The following GPC3 variants were observed in gnomAD, a reference collection of about 807,000 sequenced individuals.
GPC3 encodes glypican-3.
A neutral mutation model predicts 34.4 loss-of-function variants in GPC3; 3 were observed. That is an observed-to-expected ratio of 0.09 (90% CI 0.04 to 0.23). The LOEUF (loss-of-function observed/expected upper bound fraction) is 0.23, where lower values mean the gene tolerates loss of function less well. Ranked by LOEUF, GPC3 falls within the 10% of genes least tolerant of loss-of-function variation. The pLI, the probability that GPC3 is intolerant of heterozygous loss-of-function variation, is 1.00. For missense variants in GPC3, 351 were observed against 445.6 expected (o/e 0.79, Z 1.91); for synonymous variants, 177 against 174.0 (o/e 1.02, Z -0.13).
At position 133,790,272 on chromosome X, in the gene GPC3, G is replaced by A. The variant is rs958866929; in HGVS notation, c.338-36096C>T. Among the ~76,000 whole-genome samples, 24 of 111,562 alleles carry A rather than the reference G, an allele frequency of 2.2e-4. 1 individual carries two copies. Among genetic ancestry groups the A allele is most frequent in the African/African-American group, 7.5e-4 (23 of 30,726 alleles). On this transcript the variant is annotated intron_variant, in intron 2 of 7. Coordinates refer to ENST00000370818, the MANE Select transcript of GPC3 (RefSeq NM_004484.4). ...CAAAGAAATTCTGGCAATTGGCAAG[G>A]ACCAGAGGTAAAGGAAGAATTTCTT...
At chrX:133,803,447 A>G (rs2075620547) in intron 2 of GPC3, among the ~76,000 whole-genome samples, 1 of 112,121 alleles carries the variant, frequency 8.9e-6, no homozygotes. Flanking sequence ...TGGCCATTGC[A>G]AAGGATTCGG....
At chrX:133,981,341 C>A (rs1401918783) in intron 1 of GPC3, among the ~76,000 whole-genome samples, 2 of 111,996 alleles carry the variant, frequency 1.8e-5, no homozygotes, top group Non-Finnish European at 3.8e-5. Flanking sequence ...GCAACCCCAG[C>A]ACCTATTACA....
intron 7 of GPC3, among the ~76,000 whole-genome samples, chrX:133,588,714 T>G (rs984907049): frequency 9.1e-5 from 10 of 110,434 alleles, no homozygotes; most frequent in Admixed American, 3.9e-4. Context: ...CTTGATCCAG[T>G]AAAAATAAAT....
intron 3 of GPC3, among the ~76,000 whole-genome samples, chrX:133,714,588 ATAAAT>A (rs1193516062): frequency 2.7e-5 from 3 of 111,119 alleles, no homozygotes; most frequent in African/African-American, 9.8e-5. Context: ...TAAGTACATT[ATAAAT>A]TAAATTATTT....
At chrX:133,556,284 G>C (rs1220295833) in intron 7 of GPC3, among the ~76,000 whole-genome samples, 1 of 110,829 alleles carries the variant, frequency 9.0e-6, no homozygotes, top group Non-Finnish European at 1.9e-5. Flanking sequence ...AGTAACAAAA[G>C]AGAGCCCCCT....
At chrX:133,716,226 T>C (rs764347799) in intron 3 of GPC3, among the ~76,000 whole-genome samples, 2 of 111,972 alleles carry the variant, frequency 1.8e-5, no homozygotes, top group African/African-American at 6.5e-5. Context: ...CATTATATTC[T>C]TTAAATATCT....
chrX:133,638,582 G>A (rs969837473), intron 6 of GPC3, among the ~76,000 whole-genome samples: 5 of 111,729 alleles, frequency 4.5e-5, no homozygotes, highest in Admixed American at 1.9e-4. Flanking sequence ...TACGTAGGTC[G>A]TTCTGTTTTC....
At chrX:133,927,765 A>C (rs957240109) in intron 2 of GPC3, among the ~76,000 whole-genome samples, 4 of 109,951 alleles carry the variant, frequency 3.6e-5, no homozygotes, top group Non-Finnish European at 5.7e-5. Flanking sequence ...GGTGTGAGCC[A>C]CCATGCCTGG....
At chrX:133,921,749 A>G (rs1204174649) in intron 2 of GPC3, among the ~76,000 whole-genome samples, 2 of 112,111 alleles carry the variant, frequency 1.8e-5, no homozygotes, top group Non-Finnish European at 1.9e-5. Flanking sequence ...TTTATGGCAA[A>G]TATGCTTTCT....
At chrX:133,852,362 A>C (rs1261275219) in intron 2 of GPC3, among the ~76,000 whole-genome samples, 1 of 111,670 alleles carries the variant, frequency 9.0e-6, no homozygotes, top group Non-Finnish European at 1.9e-5. Context: ...ATAATTAGAA[A>C]ATCTTTATTG....
intron 7 of GPC3, among the ~76,000 whole-genome samples, chrX:133,560,410 C>T (rs776974929): frequency 2.7e-5 from 3 of 112,312 alleles, no homozygotes; most frequent in Non-Finnish European, 3.8e-5. Flanking sequence ...GCACATTTTA[C>T]GAACTGAAGA....
intron 2 of GPC3, among the ~76,000 whole-genome samples, chrX:133,764,376 C>A (rs1008920074): frequency 9.0e-6 from 1 of 111,560 alleles, no homozygotes; most frequent in East Asian, 2.8e-4. Flanking sequence ...ATATAACAAG[C>A]CTGCACATGT....
chrX:133,576,737 A>T (rs1476012999), intron 7 of GPC3, among the ~76,000 whole-genome samples: 1 of 110,319 alleles, frequency 9.1e-6, no homozygotes, highest in Non-Finnish European at 1.9e-5. Flanking sequence ...TTATGTATAG[A>T]ATGGTGGAGA....
At chrX:133,984,185 G>C (rs1387579398) in intron 1 of GPC3, among the ~76,000 whole-genome samples, 2 of 113,686 alleles carry the variant, frequency 1.8e-5, no homozygotes, top group African/African-American at 3.2e-5. Context: ...CGGGACGCGC[G>C]CCTCACTGGA....
chrX:133,601,640 T>C (rs1330252219), intron 6 of GPC3, among the ~76,000 whole-genome samples: 1 of 112,253 alleles, frequency 8.9e-6, no homozygotes, highest in Non-Finnish European at 1.9e-5. Context: ...AAAAATGTAA[T>C]CATCAGGAAC....
At chrX:133,660,818 T>C (rs1214075960) in intron 6 of GPC3, among the ~76,000 whole-genome samples, 1 of 111,955 alleles carries the variant, frequency 8.9e-6, no homozygotes, top group Non-Finnish European at 1.9e-5. Context: ...AGCATGCTGA[T>C]TAATTATGAT....
At chrX:133,930,701 T>C (rs2076294674) in intron 2 of GPC3, among the ~76,000 whole-genome samples, 1 of 112,241 alleles carries the variant, frequency 8.9e-6, no homozygotes, top group African/African-American at 3.2e-5. Flanking sequence ...AGTGGTGCGA[T>C]CTTGGCTCAC....
At chrX:133,904,260 C>T (rs756525526) in intron 2 of GPC3, among the ~76,000 whole-genome samples, 191 of 111,719 alleles carry the variant, frequency 1.7e-3, no homozygotes, top group African/African-American at 6.0e-3. Flanking sequence ...TACATCATTT[C>T]TTCCTCTGGT....
chrX:133,788,188 T>G (rs1484416557), intron 2 of GPC3, among the ~76,000 whole-genome samples: 2 of 98,484 alleles, frequency 2.0e-5, no homozygotes, highest in African/African-American at 7.7e-5. Context: ...AGCTTCATAA[T>G]AAACTCCCCT....
Sources: allele counts gnomAD v4.1 joint callset (sites outside exome capture counted in the v4.1 genomes callset), GRCh38; gene constraint gnomAD v4.1.1; transcripts MANE v1.5; gene names NCBI Gene and HGNC (gene_info 2026-07-23, HGNC 2026-07-21).